Variants in LRRC42 observed in about 807,000 individuals in gnomAD.
The protein encoded by LRRC42 is leucine-rich repeat-containing protein 42.
In LRRC42, 43 loss-of-function variants were observed where a neutral mutation model predicts 44.3. The observed-to-expected ratio is 0.97, with a 90% CI of 0.76 to 1.25. The LOEUF is 1.25. LRRC42 is among the 50% of genes most tolerant of loss of function. The probability of loss-of-function intolerance (pLI) is 0.00; values close to 1 mark genes in which losing one functional copy is unlikely to be tolerated. For missense variants in LRRC42, 540 were observed against 509.1 expected, an observed-to-expected ratio of 1.06 and a Z score of -0.58; for synonymous variants, 207 against 195.2, an observed-to-expected ratio of 1.06 and a Z score of -0.50.
rs776008764 is a variant in LRRC42, at chr1:53,958,193, G to A, written c.518G>A (p.Arg173Gln). 49 of 1,613,730 alleles carry A rather than the reference G, an allele frequency of 3.0e-5. No homozygotes were observed. Among genetic ancestry groups the A allele is most frequent in the Middle Eastern group, 3.3e-4 (2 of 6,080 alleles). ...SEKLEEIKSFRELTCLDLSCC... is the reference protein window; with the variant it reads ...SEKLEEIKSFQELTCLDLSCC... ...AAGCTTGAGGAGATTAAGTCTTTCCGGGAGCTGACCTGCCTGGATCTTTCC... is the reference window on the plus strand; with the variant it reads ...AAGCTTGAGGAGATTAAGTCTTTCCAGGAGCTGACCTGCCTGGATCTTTCC... The change falls in exon 4 of 9, where the codon CGG becomes CAG. Residue 173 changes from arginine to glutamine, a missense_variant. Arg to Gln is a conservative substitution (Grantham distance 43). Coordinates refer to ENST00000371370, the MANE Select transcript of LRRC42 (RefSeq NM_001256409.2).
In LRRC42 at chr1:53,968,037, C is replaced by CATT; in HGVS notation, c.*100_*102dup. 7.9e-7 allele frequency: 1 copy of CATT among 1,269,316 alleles called. No individual in the cohort carries two copies. Among genetic ancestry groups the CATT allele is most frequent in the Non-Finnish European group, 1.1e-6 (1 of 907,462 alleles). The allele number at this position is 1,269,316 out of a possible 1,614,324, so 78.6% of individuals were successfully genotyped here. ...ACTTTTTGTTTGAATTTACCTATGGCATTAGCATAGTAAGCAGATATTTCT... is the reference window on the plus strand; with the variant it reads ...ACTTTTTGTTTGAATTTACCTATGGCATTATTAGCATAGTAAGCAGATATTTCT... On this transcript the variant is annotated 3_prime_UTR_variant, in exon 9 of 9. Coordinates refer to ENST00000371370, the MANE Select transcript of LRRC42 (RefSeq NM_001256409.2).
At chr1:53,956,845 C>A (rs1209818308) in intron 3 of LRRC42, among the ~76,000 whole-genome samples, 1 of 152,210 alleles carries the variant, frequency 6.6e-6, no homozygotes, top group African/African-American at 2.4e-5. Flanking sequence ...ATGTGTTTTC[C>A]TTTCTCTGAT....
At chr1:53,961,899 T>C in intron 5 of LRRC42, 135 bp from the exon 6 acceptor site, 1 of 641,536 alleles carries the variant, frequency 1.6e-6, no homozygotes, top group Non-Finnish European at 2.7e-6. Context: ...CTGTATTTAA[T>C]TTACTTTGAA....
At chr1:53,963,874 T>TA (rs1655057186) in intron 7 of LRRC42, among the ~76,000 whole-genome samples, 1 of 152,052 alleles carries the variant, frequency 6.6e-6, no homozygotes, top group Non-Finnish European at 1.5e-5. Context: ...TTTTCTTTTT[T>TA]AAAAAATTCT....
intron 8 of LRRC42, among the ~76,000 whole-genome samples, chr1:53,966,893 G>A (rs140620365): frequency 1.7e-4 from 26 of 152,062 alleles, no homozygotes; most frequent in East Asian, 5.8e-4. Context: ...AGTTAGATTC[G>A]TAGAGCAAGC....
intron 3 of LRRC42, among the ~76,000 whole-genome samples, chr1:53,954,201 A>G (rs1036398012): frequency 5.9e-5 from 9 of 152,248 alleles, no homozygotes; most frequent in Non-Finnish European, 1.0e-4. Context: ...GTTTCACCAC[A>G]GGCCAAATAC....
chr1:53,966,865 G>T (rs765888933), intron 8 of LRRC42, among the ~76,000 whole-genome samples: 6 of 152,126 alleles, frequency 3.9e-5, no homozygotes, highest in Non-Finnish European at 8.8e-5. Flanking sequence ...GATTGTTCTT[G>T]TATAAGGTAC....
At chr1:53,965,755 G>A (rs957936714) in intron 7 of LRRC42, among the ~76,000 whole-genome samples, 8 of 152,128 alleles carry the variant, frequency 5.3e-5, no homozygotes, top group African/African-American at 1.4e-4. Context: ...GATTATAGGC[G>A]TGAGCCACCG....
rs772430082 is a variant in LRRC42, at chr1:53,966,303, T to A, written c.935T>A (p.Leu312Gln). The A allele has an allele frequency of 6.2e-7, 1 of 1,612,502 alleles. No homozygotes were observed. The highest frequency in any genetic ancestry group is 1.7e-5 in the Admixed American group (1 of 60,024). ...KTEGWADQIV[L>Q]QWERVTAEAV... ...TTTCCAAATATGTTTCAGATCGTTC[T>A]GCAGTGGGAGCGTGTGACTGCGGAA... Residue 312 changes from leucine (L) to glutamine (Q), a missense_variant, in exon 8 of 9, where the codon CTG (leucine) becomes CAG (glutamine). Coordinates refer to ENST00000371370, the MANE Select transcript of LRRC42 (RefSeq NM_001256409.2).
At chr1:53,956,145 T>C (rs1654831205) in intron 3 of LRRC42, among the ~76,000 whole-genome samples, 1 of 152,262 alleles carries the variant, frequency 6.6e-6, no homozygotes, top group South Asian at 2.1e-4. Context: ...TCAAAAGTAA[T>C]GAGCTTGAAA....
At chr1:53,966,842 A>G (rs371335190) in intron 8 of LRRC42, among the ~76,000 whole-genome samples, 16 of 152,112 alleles carry the variant, frequency 1.1e-4, no homozygotes, top group East Asian at 9.6e-4. Flanking sequence ...TCACAAAAGG[A>G]CAAATATTGT....
At chr1:53,951,833 A>G (rs1466881931) in intron 2 of LRRC42, among the ~76,000 whole-genome samples, 153 bp from the exon 3 acceptor site, 1 of 152,246 alleles carries the variant, frequency 6.6e-6, no homozygotes, top group Non-Finnish European at 1.5e-5. Flanking sequence ...CTTGAATGCC[A>G]AAGTTCCCAG....
intron 2 of LRRC42, among the ~76,000 whole-genome samples, chr1:53,951,170 T>C (rs1013696632): frequency 4.6e-5 from 7 of 152,236 alleles, no homozygotes; most frequent in Non-Finnish European, 8.8e-5. Context: ...AAGGGAGTTA[T>C]TTATTTCTAG....
chr1:53,951,905 G>A (rs1484103949), intron 2 of LRRC42, 81 bp from the exon 3 acceptor site: 4 of 1,144,414 alleles, frequency 3.5e-6, no homozygotes, highest in South Asian at 1.6e-5. Context: ...GGCTCATAAA[G>A]CCCTGGGCAC....
chr1:53,947,791 T>C lies in LRRC42; in HGVS notation c.-45T>C. 1 of 152,334 alleles carries C rather than the reference T, an allele frequency of 6.6e-6. No individual in the cohort carries two copies. Among genetic ancestry groups the C allele is most frequent in the Non-Finnish European group, 1.5e-5 (1 of 68,074 alleles). The allele number at this position is 152,334 out of a possible 1,614,324, so 9.4% of individuals were successfully genotyped here. A position where few individuals can be genotyped will look rare whatever the true frequency, so the allele number is the denominator to read the frequency against. The stretch of plus-strand genomic sequence containing the variant: ...TATCCCCACCCCCTCCCCCCAGGCT[T>C]CATCCAGTGAATACTAGAGGGATCG... On this transcript the variant is annotated 5_prime_UTR_variant, in exon 2 of 9. Coordinates refer to ENST00000371370, the MANE Select transcript of LRRC42 (RefSeq NM_001256409.2).
At chr1:53,958,026 T>C in intron 3 of LRRC42, 123 bp from the exon 4 acceptor site, 1 of 1,175,380 alleles carries the variant, frequency 8.5e-7, no homozygotes, top group Non-Finnish European at 1.1e-6. Context: ...TAGTGAAGTC[T>C]GCTTATTCCA....
intron 5 of LRRC42, 22 bp downstream of exon 5, chr1:53,960,496 A>G (rs1339122189): frequency 6.7e-7 from 1 of 1,490,264 alleles, no homozygotes; most frequent in East Asian, 2.3e-5. Context: ...TCGAAATTAT[A>G]GATTATTTTA....
intron 3 of LRRC42, among the ~76,000 whole-genome samples, chr1:53,956,705 G>C (rs1431353708): frequency 6.6e-6 from 1 of 152,166 alleles, no homozygotes; most frequent in African/African-American, 2.4e-5. Flanking sequence ...AATGTCTGTG[G>C]CCTAACATGT....
intron 2 of LRRC42, chr1:53,948,034 C>T (rs1557642636): frequency 6.6e-6 from 1 of 152,142 alleles, no homozygotes; most frequent in Admixed American, 6.6e-5. Flanking sequence ...GCAATACTGA[C>T]CTCATAGGAT....
Sources: gnomAD v4.1 joint callset for allele counts (sites outside exome capture counted in the v4.1 genomes callset) on GRCh38, gnomAD v4.1.1 for gene constraint, MANE v1.5 for transcripts, NCBI Gene and HGNC (gene_info 2026-07-23, HGNC 2026-07-21) for gene names.